SNX29: variants seen among roughly 807,000 people sequenced by gnomAD.
SNX29 encodes sorting nexin 29.
Under a neutral mutation model 102.1 loss-of-function variants are expected in SNX29, and 78 were observed. That is an observed-to-expected ratio of 0.76 (90% CI 0.64 to 0.92). The LOEUF (loss-of-function observed/expected upper bound fraction) is 0.92, where lower values mean the gene tolerates loss of function less well. Among genes scored for constraint, SNX29 ranks in the 40% least tolerant of loss-of-function variants. The pLI is 0.00. For synonymous variants in SNX29, 580 were observed against 414.5 expected (o/e 1.40, Z -4.85); for missense variants, 1,280 against 1,061.7 (o/e 1.21, Z -2.86).
rs1324125271 is a variant in SNX29 at position 12,524,706 on chromosome 16, C to T, written c.2183C>T (p.Ala728Val). 1.4e-5 allele frequency: 23 copies of T among 1,612,800 alleles called. No individual in the cohort carries two copies. The highest frequency in any genetic ancestry group is 1.6e-5 in the Non-Finnish European group (19 of 1,179,432). Reference protein sequence around the residue: ...PPKKAIGNKDAKFVEERRKQL... With the variant: ...PPKKAIGNKDVKFVEERRKQL... Reference sequence around the variant, plus strand: ...AGATGTTTTGTGTTTCCTCAGGATGCCAAGTTTGTGGAGGAACGGAGAAAG... The same window carrying T: ...AGATGTTTTGTGTTTCCTCAGGATGTCAAGTTTGTGGAGGAACGGAGAAAG... Residue 728 changes from alanine to valine, a missense_variant, in exon 20 of 21, where the codon GCC (alanine) becomes GTC (valine). Physicochemically the swap from Ala to Val is moderately conservative, Grantham distance 64 (BLOSUM62 0). Transcript: ENST00000566228.
Position 12,572,463 on chromosome 16 carries a change from C to A in SNX29, c.*3834C>A, listed in dbSNP as rs186453192. The A allele has an allele frequency of 1.9e-6, 2 of 1,063,544 alleles. No homozygotes were observed. Among genetic ancestry groups the A allele is most frequent in the Non-Finnish European group, 1.1e-6 (1 of 878,246 alleles). 65.9% of individuals were successfully genotyped at this position (1,063,544 alleles called of 1,614,324 possible). On this transcript the variant is annotated 3_prime_UTR_variant, in exon 21 of 21. Transcript: ENST00000566228. ...CTTGGTTCTGCATGGTACATTTTGC[C>A]AACCCTGAGGACCAGTTCTTGGGGT...
chr16:12,372,613 A>G (rs1276884812), intron 16 of SNX29: 1 of 152,210 alleles, frequency 6.6e-6, no homozygotes, highest in African/African-American at 2.4e-5. Flanking sequence ...AGCAATGAGT[A>G]AGAAATAGAA....
chr16:12,205,208 A>G (rs547879890), intron 14 of SNX29, among the ~76,000 whole-genome samples: 1 of 152,228 alleles, frequency 6.6e-6, no homozygotes, highest in South Asian at 2.1e-4. Flanking sequence ...CTTCTGAACC[A>G]TTGCAGGCAT....
intron 16 of SNX29, among the ~76,000 whole-genome samples, chr16:12,369,335 C>CAT (rs1424906856): frequency 6.6e-6 from 1 of 151,864 alleles, no homozygotes; most frequent in Non-Finnish European, 1.5e-5. Flanking sequence ...GGGGTTTCAC[C>CAT]ATGTTGGCCA....
intron 15 of SNX29, among the ~76,000 whole-genome samples, chr16:12,305,307 T>C (rs1480964248): frequency 6.6e-6 from 1 of 151,692 alleles, no homozygotes; most frequent in Non-Finnish European, 1.5e-5. Context: ...GTTGCGAAGA[T>C]CCCCCCCGGC....
intron 15 of SNX29, among the ~76,000 whole-genome samples, chr16:12,285,814 C>T (rs921759176): frequency 2.0e-5 from 3 of 152,172 alleles, no homozygotes; most frequent in Admixed American, 6.5e-5. Flanking sequence ...CTACATTAAA[C>T]TGATACTCAA....
rs36013478 is a variant in SNX29, at chr16:12,048,613, C to T, written c.741C>T (p.Val247=). 29,156 of 1,613,862 alleles carry T rather than the reference C, an allele frequency of 0.018. 365 individuals are homozygous for T. The highest frequency in any genetic ancestry group is 0.024 in the Admixed American group (1,432 of 59,990). The part of the protein sequence containing the change: ...TDPLPVVSRN[V]SADAKCKKER... ...CCTTGCCTGTCGTGTCCAGGAATGT[C>T]AGTGCTGGTGAGTGGGAACGGGTGC... Residue 247 remains valine, a synonymous_variant, in exon 7 of 21, where the codon GTC becomes GTT. Coordinates refer to ENST00000566228, the MANE Select transcript of SNX29 (RefSeq NM_032167.5).
chr16:12,114,738 C>G (rs1334293559), intron 11 of SNX29, among the ~76,000 whole-genome samples: 1 of 151,246 alleles, frequency 6.6e-6, no homozygotes, highest in Non-Finnish European at 1.5e-5. Context: ...AGGTGCCCCC[C>G]ACCATGCCTG....
chr16:12,438,778 T>C (rs2085658008), intron 18 of SNX29, among the ~76,000 whole-genome samples: 1 of 152,202 alleles, frequency 6.6e-6, no homozygotes, highest in Non-Finnish European at 1.5e-5. Context: ...TGAGATCTGA[T>C]GACTGAGTTG....
chr16:12,232,483 T>C (rs2077798925), intron 14 of SNX29, among the ~76,000 whole-genome samples: 1 of 152,244 alleles, frequency 6.6e-6, no homozygotes, highest in South Asian at 2.1e-4. Flanking sequence ...ATCGTGCCAC[T>C]GCACTCCAGG....
At chr16:12,122,413 A>C (rs867050585) in intron 11 of SNX29, among the ~76,000 whole-genome samples, 26 of 152,132 alleles carry the variant, frequency 1.7e-4, no homozygotes, top group Middle Eastern at 6.8e-3. Flanking sequence ...AGGCAAGAGT[A>C]AGACAGGGCA....
chr16:12,463,123 C>T (rs924936949), intron 18 of SNX29, among the ~76,000 whole-genome samples: 1 of 152,228 alleles, frequency 6.6e-6, no homozygotes, highest in Non-Finnish European at 1.5e-5. Context: ...GGACGCCAGG[C>T]TCCTGGGCAC....
At chr16:12,393,427 TTCATTCAG>T (rs1567517682) in intron 16 of SNX29, among the ~76,000 whole-genome samples, 3 of 145,788 alleles carry the variant, frequency 2.1e-5, no homozygotes, top group Admixed American at 6.7e-5. Context: ...CATTCATTCA[TTCATTCAG>T]TGTGTTAGTT....
chr16:12,448,116 C>T (rs2086145012), intron 18 of SNX29, among the ~76,000 whole-genome samples: 1 of 152,200 alleles, frequency 6.6e-6, no homozygotes, highest in Non-Finnish European at 1.5e-5. Context: ...GTTATTATCT[C>T]CCCATTTATG....
chr16:12,275,373 T>C (rs888996954), intron 14 of SNX29, among the ~76,000 whole-genome samples: 1 of 152,210 alleles, frequency 6.6e-6, no homozygotes, highest in African/African-American at 2.4e-5. Context: ...AAAAATGGAA[T>C]ACCCTAACCT....
At chr16:12,533,489 G>T (rs1328539532) in intron 20 of SNX29, among the ~76,000 whole-genome samples, 1 of 152,174 alleles carries the variant, frequency 6.6e-6, no homozygotes, top group East Asian at 1.9e-4. Flanking sequence ...GGGGTTCCTG[G>T]ACAGACTTGT....
chr16:12,526,615 G>A lies in SNX29; in HGVS notation c.2318+1774G>A, dbSNP rs140366721. Reference sequence around the variant, plus strand: ...CGTGAGGAGTTCTCATCCTCTTAGCGGCATCCCCATGGCCCAGGGTGCACG... The same window carrying A: ...CGTGAGGAGTTCTCATCCTCTTAGCAGCATCCCCATGGCCCAGGGTGCACG... On this transcript the variant is annotated intron_variant, in intron 20 of 20. Coordinates refer to ENST00000566228, the MANE Select transcript of SNX29 (RefSeq NM_032167.5). 7.2e-4 allele frequency: 382 copies of A among 532,766 alleles called. 2 individuals are homozygous for A. Among genetic ancestry groups the A allele is most frequent in the Middle Eastern group, 2.0e-3 (7 of 3,548 alleles). 33.0% of individuals were successfully genotyped at this position (532,766 alleles called of 1,614,324 possible).
intron 3 of SNX29, among the ~76,000 whole-genome samples, chr16:12,018,750 T>TC (rs2056925757): frequency 6.6e-6 from 1 of 151,216 alleles, no homozygotes. Flanking sequence ...TTTTGTCTTT[T>TC]TTTTTTTTTT....
At chr16:12,463,270 A>G (rs1235222886) in intron 18 of SNX29, among the ~76,000 whole-genome samples, 1 of 152,212 alleles carries the variant, frequency 6.6e-6, no homozygotes, top group East Asian at 1.9e-4. Context: ...GTGAGGCTAG[A>G]AGTTTTTCAT....
Sources: gnomAD v4.1 joint callset for allele counts (sites outside exome capture counted in the v4.1 genomes callset) on GRCh38, gnomAD v4.1.1 for gene constraint, MANE v1.5 for transcripts, NCBI Gene and HGNC (gene_info 2026-07-23, HGNC 2026-07-21) for gene names.